The following DOCK11 variants were observed in gnomAD, a reference collection of about 807,000 sequenced individuals.
DOCK11 encodes dedicator of cytokinesis 11, also known as dedicator of cytokinesis protein 11.
DOCK11 carries 70 observed loss-of-function variants against 169.1 expected under a neutral mutation model. That is an observed-to-expected ratio of 0.41 (90% CI 0.34 to 0.51). The LOEUF (loss-of-function observed/expected upper bound fraction) is 0.51, where lower values mean the gene tolerates loss of function less well. DOCK11 is among the 20% of genes least tolerant of loss of function. The pLI is 0.10. For synonymous variants in DOCK11, 529 were observed against 541.3 expected (o/e 0.98, Z 0.32); for missense variants, 1,166 against 1,538.8 (o/e 0.76, Z 4.05).
At chrX:118,643,163 A>G (rs181823596) in intron 39 of DOCK11, among the ~76,000 whole-genome samples, 23 of 111,759 alleles carry the variant, frequency 2.1e-4, no homozygotes, top group African/African-American at 7.1e-4. Flanking sequence ...TTGAGAAGCA[A>G]TATGGTATAG....
intron 1 of DOCK11, among the ~76,000 whole-genome samples, chrX:118,542,151 T>C (rs1403640142): frequency 9.1e-6 from 1 of 110,292 alleles, no homozygotes; most frequent in Non-Finnish European, 1.9e-5. Flanking sequence ...TTAAGTAGAA[T>C]AACACAGTTC....
chrX:118,574,713 AT>A (rs2013391545), intron 12 of DOCK11, among the ~76,000 whole-genome samples: 1 of 112,356 alleles, frequency 8.9e-6, no homozygotes, highest in South Asian at 3.6e-4. Flanking sequence ...CCTGATTTTC[AT>A]GTCCATTATG....
intron 20 of DOCK11, among the ~76,000 whole-genome samples, chrX:118,594,284 A>G (rs1396668156): frequency 1.8e-5 from 2 of 112,176 alleles, no homozygotes; most frequent in Non-Finnish European, 3.8e-5. Context: ...CCTAAGATTC[A>G]GATCCCAGCT....
At chrX:118,537,821 T>C (rs1398225596) in intron 1 of DOCK11, among the ~76,000 whole-genome samples, 1 of 111,890 alleles carries the variant, frequency 8.9e-6, no homozygotes, top group African/African-American at 3.2e-5. Flanking sequence ...GGACTGCAAC[T>C]GAATCTATTC....
In DOCK11 at chrX:118,545,371, T is replaced by A; in HGVS notation, c.441T>A (p.Asp147Glu). The change falls in exon 5 of 53, where the codon GAT (aspartate) becomes GAA (glutamate). Residue 147 changes from aspartate to glutamate, a missense_variant. Asp to Glu is a conservative substitution (Grantham distance 45). Transcript: ENST00000276202. Reference protein sequence around the residue: ...EKIPNHVFEIDEDCEKDEDSS... With the variant: ...EKIPNHVFEIEEDCEKDEDSS... ...TTCCTAATCATGTATTTGAGATAGATGAAGACTGTGAGAAAGATGAGGTAA... is the reference window on the plus strand; with the variant it reads ...TTCCTAATCATGTATTTGAGATAGAAGAAGACTGTGAGAAAGATGAGGTAA... The A allele has an allele frequency of 8.3e-7, 1 of 1,198,876 alleles. No homozygotes were observed.
chrX:118,556,087 C>T (rs962995052), intron 6 of DOCK11, among the ~76,000 whole-genome samples: 1 of 106,892 alleles, frequency 9.4e-6, no homozygotes, highest in African/African-American at 3.4e-5. Context: ...CTCTGTCTTC[C>T]AGGCTGGAGT....
At chrX:118,522,794 G>A (rs747582347) in intron 1 of DOCK11, among the ~76,000 whole-genome samples, 30 of 111,900 alleles carry the variant, frequency 2.7e-4, no homozygotes, top group African/African-American at 8.4e-4. Context: ...TTAACTCACA[G>A]TCAGTTGATT....
At chrX:118,648,021 A>T (rs1290265058) in intron 40 of DOCK11, among the ~76,000 whole-genome samples, 2 of 29,609 alleles carry the variant, frequency 6.8e-5, no homozygotes, top group African/African-American at 2.1e-4. Context: ...ATATAATATA[A>T]ATTATAATAT....
intron 7 of DOCK11, among the ~76,000 whole-genome samples, chrX:118,564,998 C>G (rs1000554686): frequency 9.1e-6 from 1 of 110,174 alleles, no homozygotes; most frequent in East Asian, 2.8e-4. Flanking sequence ...TGTAGTAGTA[C>G]CATCTTGGCT....
At chrX:118,525,303 G>A (rs1470324163) in intron 1 of DOCK11, among the ~76,000 whole-genome samples, 1 of 111,774 alleles carries the variant, frequency 8.9e-6, no homozygotes, top group Non-Finnish European at 1.9e-5. Context: ...AAACAGCCCA[G>A]TGTCCCTCAG....
chrX:118,663,674 C>CTTTTTTT (rs751159854), intron 45 of DOCK11, among the ~76,000 whole-genome samples: 2 of 60,038 alleles, frequency 3.3e-5, no homozygotes, highest in Non-Finnish European at 3.0e-5. Flanking sequence ...GCATCAAAGT[C>CTTTTTTT]TTTTTTTTTT....
rs776160868 is a variant in DOCK11, at chrX:118,652,115, T to G, written c.4695+38T>G. On this transcript the variant is annotated intron_variant, in intron 42 of 52. Transcript: ENST00000276202. ...TTCAGATAATAAATTAGAACCACCT[T>G]TGCTATCAGGGAAGTTTAAACTCTT... The G allele has an allele frequency of 5.3e-6, 5 of 940,459 alleles. No homozygotes were observed. In the South Asian group the frequency reaches 1.1e-4, roughly 20 times the overall value. 77.5% of individuals were successfully genotyped at this position (940,459 alleles called of 1,213,427 possible). A position where few individuals can be genotyped will look rare whatever the true frequency, so the allele number is the denominator to read the frequency against.
At chrX:118,617,805 C>T (rs2014863121) in intron 30 of DOCK11, among the ~76,000 whole-genome samples, 1 of 111,324 alleles carries the variant, frequency 9.0e-6, no homozygotes, top group South Asian at 3.8e-4. Context: ...ACTGCTTGAA[C>T]CCTGGAGGCA....
In DOCK11 at chrX:118,588,221, C is replaced by T. The variant is rs751222754; in HGVS notation, c.1880C>T (p.Pro627Leu). ...NITVEVEEFVPEMTKYCYPFT... is the reference protein window; with the variant it reads ...NITVEVEEFVLEMTKYCYPFT... ...ACTGTGGAGGTTGAAGAGTTTGTTC[C>T]AGAAATGACAAAATATTGTTATCCA... Residue 627 changes from proline (P) to leucine (L), a missense_variant, in exon 17 of 53, where the codon CCA becomes CTA. Physicochemically the swap from Pro to Leu is moderately conservative, Grantham distance 98. Coordinates refer to ENST00000276202, the MANE Select transcript of DOCK11 (RefSeq NM_144658.4). 8.3e-7 allele frequency: 1 copy of T among 1,203,854 alleles called. No individual in the cohort carries two copies. The highest frequency in any genetic ancestry group is 1.1e-6 in the Non-Finnish European group (1 of 891,185).
At chrX:118,638,502 C>T (rs925320599) in intron 37 of DOCK11, among the ~76,000 whole-genome samples, 2 of 111,952 alleles carry the variant, frequency 1.8e-5, no homozygotes, top group Non-Finnish European at 1.9e-5. Flanking sequence ...AAATCCCCAA[C>T]AGCAATTGGG....
chrX:118,582,929 G>A (rs967663802), intron 14 of DOCK11, among the ~76,000 whole-genome samples: 1 of 112,016 alleles, frequency 8.9e-6, no homozygotes, highest in Non-Finnish European at 1.9e-5. Flanking sequence ...CCATTACTGG[G>A]TATATACCCA....
At chrX:118,649,437 G>C (rs905733505) in intron 41 of DOCK11, among the ~76,000 whole-genome samples, 2 of 112,431 alleles carry the variant, frequency 1.8e-5, no homozygotes, top group Non-Finnish European at 3.8e-5. Context: ...TGATAATTAC[G>C]TATGTGGCAT....
intron 6 of DOCK11, among the ~76,000 whole-genome samples, chrX:118,560,298 G>A (rs779602765): frequency 2.7e-5 from 3 of 111,533 alleles, no homozygotes; most frequent in Non-Finnish European, 3.8e-5. Flanking sequence ...TGGCAAGAAC[G>A]ATCTTGCCAA....
intron 20 of DOCK11, 135 bp downstream of exon 20, chrX:118,593,472 G>T (rs2014067449): frequency 4.7e-5 from 27 of 578,947 alleles, no homozygotes; most frequent in Non-Finnish European, 6.6e-5. Flanking sequence ...TTTTCATGCT[G>T]CTGATAAAGA....
Sources: allele counts gnomAD v4.1 joint callset (sites outside exome capture counted in the v4.1 genomes callset), GRCh38; gene constraint gnomAD v4.1.1; transcripts MANE v1.5; gene names NCBI Gene and HGNC (gene_info 2026-07-23, HGNC 2026-07-21).